The following PCDHGA8 variants were observed in gnomAD, a reference collection of about 807,000 sequenced individuals.
PCDHGA8 encodes the protein protocadherin gamma subfamily A, 8, also known as protocadherin gamma-A8.
In PCDHGA8, 45 loss-of-function variants were observed where a neutral mutation model predicts 59.2. The observed-to-expected ratio is 0.76, with a 90% CI of 0.60 to 0.98. The LOEUF (loss-of-function observed/expected upper bound fraction) is 0.98, where lower values mean the gene tolerates loss of function less well. Among genes scored for constraint, PCDHGA8 ranks in the 50% least tolerant of loss-of-function variants. PCDHGA8 has a pLI of 0.00. For missense variants in PCDHGA8, 1,257 were observed against 1,196.2 expected (o/e 1.05, Z -0.75); for synonymous variants, 531 against 519.0 (o/e 1.02, Z -0.32).
chr5:141,433,401 A>ATCTATCTATCTATCTC (rs1444244130), intron 1 of PCDHGA8, among the ~76,000 whole-genome samples: 1 of 150,482 alleles, frequency 6.6e-6, no homozygotes, highest in African/African-American at 2.4e-5. Context: ...CTATCTATCT[A>ATCTATCTATCTATCTC]TCTATTACTT....
In PCDHGA8 at chr5:141,392,802, A is replaced by C; in HGVS notation, c.-12A>C. The C allele has an allele frequency of 1.3e-6, 2 of 1,572,582 alleles. No individual in the cohort carries two copies. Among genetic ancestry groups the C allele is most frequent in the Non-Finnish European group, 1.7e-6 (2 of 1,160,642 alleles). On this transcript the variant is annotated 5_prime_UTR_variant, in exon 1 of 4. Transcript: ENST00000398604. The stretch of plus-strand genomic sequence containing the variant: ...AGTGAAGATTCTGAGAGGATTCTGC[A>C]GCAAAACAACAATGGCCGCTCCACA...
intron 1 of PCDHGA8, chr5:141,427,677 C>T: frequency 1.2e-6 from 1 of 816,672 alleles, no homozygotes; most frequent in Non-Finnish European, 2.1e-6. Flanking sequence ...AAACAACCTT[C>T]CCGGAGCCTC....
chr5:141,403,816 A>G (rs2094457403), intron 1 of PCDHGA8: 4 of 1,613,874 alleles, frequency 2.5e-6, no homozygotes, highest in Non-Finnish European at 3.4e-6. Context: ...ATGAAAAACA[A>G]TCTCTGCTAT....
intron 1 of PCDHGA8, chr5:141,440,652 C>T (rs755275974): frequency 6.6e-6 from 1 of 152,160 alleles, no homozygotes; most frequent in Non-Finnish European, 1.5e-5. Flanking sequence ...AAAATTATCA[C>T]CTTAGCAGCA....
chr5:141,418,626 C>A (rs1237600131), intron 1 of PCDHGA8: 2 of 1,613,902 alleles, frequency 1.2e-6, no homozygotes, highest in African/African-American at 2.7e-5. Context: ...GAAGACGTGC[C>A]TCCAGGCACC....
intron 1 of PCDHGA8, chr5:141,402,861 A>G (rs2094315270): frequency 7.0e-7 from 1 of 1,430,150 alleles, no homozygotes; most frequent in Non-Finnish European, 9.2e-7. Context: ...CTTCTAAGGA[A>G]AAGATCACCA....
At chr5:141,413,956 G>C in intron 1 of PCDHGA8, 11 of 1,613,484 alleles carry the variant, frequency 6.8e-6, no homozygotes, top group Non-Finnish European at 9.3e-6. Context: ...GAATTTGCCT[G>C]TGGGCACTCA....
At chr5:141,423,920 G>A (rs2096790804) in intron 1 of PCDHGA8, 2 of 1,258,728 alleles carry the variant, frequency 1.6e-6, no homozygotes, top group African/African-American at 1.6e-5. Flanking sequence ...ATTCAACTAT[G>A]CTGGTTTGGT....
chr5:141,406,079 T>C (rs570702423), intron 1 of PCDHGA8, among the ~76,000 whole-genome samples: 2 of 151,808 alleles, frequency 1.3e-5, no homozygotes, highest in South Asian at 2.1e-4. Context: ...CTCCTTTTTT[T>C]TTTTTTTTAA....
intron 1 of PCDHGA8, chr5:141,398,508 T>C: frequency 6.2e-7 from 1 of 1,601,476 alleles, no homozygotes; most frequent in Admixed American, 1.7e-5. Context: ...AGGACATTAA[T>C]GACCACACGC....
At chr5:141,417,007 C>A (rs1204390468) in intron 1 of PCDHGA8, 1 of 148,406 alleles carries the variant, frequency 6.7e-6, no homozygotes, top group Non-Finnish European at 1.5e-5. Flanking sequence ...TCAAATAATT[C>A]TATTATTTTG....
At chr5:141,484,589 C>T (rs2154580160) in intron 1 of PCDHGA8, among the ~76,000 whole-genome samples, 1 of 152,074 alleles carries the variant, frequency 6.6e-6, no homozygotes, top group African/African-American at 2.4e-5. Context: ...GGAAGCTACT[C>T]ATTTAGAATA....
chr5:141,473,776 T>C (rs1026169931), intron 1 of PCDHGA8, among the ~76,000 whole-genome samples: 1 of 152,214 alleles, frequency 6.6e-6, no homozygotes, highest in Non-Finnish European at 1.5e-5. Context: ...TTTGGTATTT[T>C]AATTCAAGAG....
rs2099670287 is a variant in PCDHGA8, at chr5:141,487,983, TC to T, written c.2425-6822del. Among the ~76,000 whole-genome samples, 3 of 152,290 alleles carry T rather than the reference TC, an allele frequency of 2.0e-5. No individual in the cohort carries two copies. The South Asian group carries it at 6.2e-4, about 32-fold the overall frequency. ...CAAAGGTGGCTGTTTTCTCTACTCT[TC>T]CTGAAAGAGGGGATCAGATTCTGAA... On this transcript the variant is annotated intron_variant, in intron 1 of 3. Coordinates refer to ENST00000398604, the MANE Select transcript of PCDHGA8 (RefSeq NM_032088.2). This position sits in a 1 kb window ranked among gnomAD's most constrained non-coding sequence, Gnocchi z 5.0.
At chr5:141,467,495 C>T (rs1161557245) in intron 1 of PCDHGA8, among the ~76,000 whole-genome samples, 1 of 152,140 alleles carries the variant, frequency 6.6e-6, no homozygotes, top group Non-Finnish European at 1.5e-5. Context: ...ATTTAGATCC[C>T]TGATCTAATT....
Position 141,432,400 on chromosome 5 carries a change from G to C in PCDHGA8, c.2424+37163G>C, listed in dbSNP as rs139153105. ...ACCCGCCCCTCAGCAGCAACGTGTC[G>C]TTGAGCCTGTTCGTGCTGGACCAGA... is the stretch of plus-strand genomic sequence containing the variant. On this transcript the variant is annotated intron_variant, in intron 1 of 3. Coordinates refer to ENST00000398604, the MANE Select transcript of PCDHGA8 (RefSeq NM_032088.2). This position sits in a 1 kb window ranked among gnomAD's most constrained non-coding sequence, Gnocchi z 6.0. 1.2e-6 allele frequency: 2 copies of C among 1,614,240 alleles called. No individual in the cohort carries two copies. Among genetic ancestry groups the C allele is most frequent in the South Asian group, 2.2e-5 (2 of 91,090 alleles).
intron 1 of PCDHGA8, among the ~76,000 whole-genome samples, chr5:141,459,759 G>A (rs1164466104): frequency 7.2e-5 from 11 of 152,206 alleles, no homozygotes; most frequent in Non-Finnish European, 2.9e-5. Context: ...TCTAGTGGGT[G>A]TGTGATACTA....
At chr5:141,453,331 C>G (rs1224258701) in intron 1 of PCDHGA8, among the ~76,000 whole-genome samples, 1 of 151,962 alleles carries the variant, frequency 6.6e-6, no homozygotes, top group East Asian at 1.9e-4. Flanking sequence ...TGGGGTCTCA[C>G]TATGTTTCCC....
Position 141,431,072 on chromosome 5 carries a change from A to G in PCDHGA8, c.2424+35835A>G. On this transcript the variant is annotated intron_variant, in intron 1 of 3. Transcript: ENST00000398604. The surrounding 1 kb of genome is among the most constrained non-coding windows in gnomAD (Gnocchi z 4.8). ...TATGGGGGCCATCAAGTGTCAATTA[A>G]ATCTAGACATTCTGATGGAGGATAA... is the stretch of plus-strand genomic sequence containing the variant. 1 of 1,614,220 alleles carries G rather than the reference A, an allele frequency of 6.2e-7. No individual in the cohort carries two copies. Among genetic ancestry groups the G allele is most frequent in the Non-Finnish European group, 8.5e-7 (1 of 1,180,012 alleles).
Sources: gnomAD v4.1 joint callset for allele counts (sites outside exome capture counted in the v4.1 genomes callset) on GRCh38, gnomAD v4.1.1 for gene constraint, Gnocchi (gnomAD v3.1) non-coding constraint, MANE v1.5 for transcripts, NCBI Gene and HGNC (gene_info 2026-07-23, HGNC 2026-07-21) for gene names.